CFAP299: variants seen among roughly 807,000 people sequenced by gnomAD.
The protein encoded by CFAP299 is cilia- and flagella-associated protein 299.
A neutral mutation model predicts 27.0 loss-of-function variants in CFAP299; 21 were observed. That is an observed-to-expected ratio of 0.78 (90% CI 0.55 to 1.12). The LOEUF (loss-of-function observed/expected upper bound fraction) is 1.12, where lower values mean the gene tolerates loss of function less well. Among genes scored for constraint, CFAP299 ranks in the 50% most tolerant of loss-of-function variants. CFAP299 has a pLI of 0.00. For synonymous variants in CFAP299, 104 were observed against 98.1 expected, an observed-to-expected ratio of 1.06 and a Z score of -0.36; for missense variants, 310 against 276.6, an observed-to-expected ratio of 1.12 and a Z score of -0.86.
At chr4:80,374,884 G>T (rs1478641517) in intron 2 of CFAP299, among the ~76,000 whole-genome samples, 3 of 151,972 alleles carry the variant, frequency 2.0e-5, no homozygotes, top group Non-Finnish European at 4.4e-5. Context: ...TTATATGTTT[G>T]CATATGACTT....
intron 4 of CFAP299, among the ~76,000 whole-genome samples, chr4:80,898,959 C>T (rs960810477): frequency 2.2e-4 from 34 of 152,154 alleles, no homozygotes; most frequent in Non-Finnish European, 5.9e-5. Context: ...TTGCTAACTT[C>T]CAATGCAAAG....
chr4:80,914,108 T>G (rs1245336848), intron 4 of CFAP299, among the ~76,000 whole-genome samples: 1 of 152,202 alleles, frequency 6.6e-6, no homozygotes, highest in Admixed American at 6.5e-5. Context: ...CTATGGACAT[T>G]TGAATTCCTC....
intron 5 of CFAP299, among the ~76,000 whole-genome samples, chr4:80,948,649 G>A (rs187786864): frequency 1.3e-5 from 2 of 152,144 alleles, no homozygotes; most frequent in Admixed American, 1.3e-4. Flanking sequence ...GCAAGAAAGA[G>A]AGAGAGAGAG....
At chr4:80,642,975 G>A (rs1287162880) in intron 3 of CFAP299, among the ~76,000 whole-genome samples, 1 of 151,714 alleles carries the variant, frequency 6.6e-6, no homozygotes, top group Non-Finnish European at 1.5e-5. Flanking sequence ...AGTGAAATAG[G>A]AGGAAAATCC....
intron 2 of CFAP299, among the ~76,000 whole-genome samples, chr4:80,369,949 C>A (rs965864870): frequency 6.6e-6 from 1 of 152,126 alleles, no homozygotes; most frequent in Non-Finnish European, 1.5e-5. Context: ...ATGGGTATAT[C>A]AGTTCATTCT....
intron 3 of CFAP299, among the ~76,000 whole-genome samples, chr4:80,797,537 A>G (rs890097005): frequency 3.9e-5 from 6 of 152,102 alleles, no homozygotes; most frequent in African/African-American, 1.4e-4. Context: ...TACGGTAGCT[A>G]TGCTCCCCTT....
chr4:80,417,050 A>G (rs1341492798), intron 2 of CFAP299, among the ~76,000 whole-genome samples: 1 of 152,228 alleles, frequency 6.6e-6, no homozygotes, highest in African/African-American at 2.4e-5. Flanking sequence ...TTTCTTGATT[A>G]TATGCTAAAC....
chr4:80,917,118 A>G (rs1735806042), intron 4 of CFAP299, among the ~76,000 whole-genome samples: 1 of 152,164 alleles, frequency 6.6e-6, no homozygotes, highest in African/African-American at 2.4e-5. Context: ...AAAATTTCTA[A>G]CAGGGTGGTA....
Position 80,832,031 on chromosome 4 carries a change from A to G in CFAP299, c.334-37962A>G, listed in dbSNP as rs1730324490. Among the ~76,000 whole-genome samples the G allele has an allele frequency of 3.3e-5, 5 of 152,326 alleles. No individual in the cohort carries two copies. The South Asian group carries it at 1.0e-3, about 32-fold the overall frequency. On this transcript the variant is annotated intron_variant, in intron 3 of 5. Coordinates refer to ENST00000358105, the MANE Select transcript of CFAP299 (RefSeq NM_152770.3). ...AGTTCTTTCCAAATAAGGCTTCCAT[A>G]GAAAATATGTGTCAGATTTGTTTTC...
intron 2 of CFAP299, among the ~76,000 whole-genome samples, chr4:80,395,741 CA>C (rs1489577353): frequency 6.6e-6 from 1 of 152,054 alleles, no homozygotes; most frequent in East Asian, 1.9e-4. Flanking sequence ...CCATTTTTAA[CA>C]ATTTGGACTG....
At chr4:80,850,315 T>C (rs1386854106) in intron 3 of CFAP299, among the ~76,000 whole-genome samples, 3 of 151,860 alleles carry the variant, frequency 2.0e-5, no homozygotes, top group Admixed American at 2.0e-4. Context: ...TCCATATAAT[T>C]AGAAGTAGAA....
chr4:80,645,006 C>T (rs1212482237), intron 3 of CFAP299, among the ~76,000 whole-genome samples: 1 of 152,094 alleles, frequency 6.6e-6, no homozygotes, highest in African/African-American at 2.4e-5. Context: ...CCAGCCCCCC[C>T]TCAGAAATCT....
At chr4:80,358,039 C>T (rs1484042654) in intron 1 of CFAP299, among the ~76,000 whole-genome samples, 1 of 152,042 alleles carries the variant, frequency 6.6e-6, no homozygotes, top group Admixed American at 6.6e-5. Context: ...CATATTGTAC[C>T]TTTGTTCTCT....
At chr4:80,347,785 A>G (rs942545895) in intron 1 of CFAP299, among the ~76,000 whole-genome samples, 7 of 152,230 alleles carry the variant, frequency 4.6e-5, no homozygotes, top group African/African-American at 1.7e-4. Flanking sequence ...AAACTATTTT[A>G]AAAAACATAT....
chr4:80,386,837 A>G, intron 2 of CFAP299: 1 of 891,248 alleles, frequency 1.1e-6, no homozygotes, highest in Non-Finnish European at 1.9e-6. Context: ...CTGGTGGATC[A>G]ACATGTCTCT....
the CFAP299 span, among the ~76,000 whole-genome samples, chr4:80,328,721 A>G: frequency 1.3e-5 from 2 of 152,180 alleles, no homozygotes; most frequent in African/African-American, 4.8e-5. Flanking sequence ...GCACGATATG[A>G]CAAAATTCCA....
At chr4:80,327,793 G>A in the CFAP299 span, among the ~76,000 whole-genome samples, 1 of 98,910 alleles carries the variant, frequency 1.0e-5, no homozygotes, top group African/African-American at 3.2e-5. Flanking sequence ...TGCAGTGTGA[G>A]GCAAAGGGGG....
intron 3 of CFAP299, among the ~76,000 whole-genome samples, chr4:80,766,705 TAAAC>T (rs376088632): frequency 5.8e-4 from 88 of 151,458 alleles, no homozygotes; most frequent in African/African-American, 1.9e-3. Context: ...CCAAAACAAA[TAAAC>T]AAACAAAACA....
chr4:80,839,016 CTTAT>C (rs1462651609), intron 3 of CFAP299, among the ~76,000 whole-genome samples: 1 of 152,138 alleles, frequency 6.6e-6, no homozygotes, highest in Non-Finnish European at 1.5e-5. Context: ...AGACACACTG[CTTAT>C]TTAGTTTATC....
Sources: gnomAD v4.1 joint callset for allele counts (sites outside exome capture counted in the v4.1 genomes callset) on GRCh38, gnomAD v4.1.1 for gene constraint, MANE v1.5 for transcripts, NCBI Gene and HGNC (gene_info 2026-07-23, HGNC 2026-07-21) for gene names.